Variants in CEP43 observed in about 807,000 individuals in gnomAD.
CEP43 encodes the protein centrosomal protein 43.
Under a neutral mutation model 52.6 loss-of-function variants are expected in CEP43, and 36 were observed. The observed-to-expected ratio is 0.68, with a 90% CI of 0.52 to 0.90. The LOEUF is 0.90. Among genes scored for constraint, CEP43 ranks in the 40% least tolerant of loss-of-function variants. The probability of loss-of-function intolerance (pLI) is 0.00; values close to 1 mark genes in which losing one functional copy is unlikely to be tolerated. For missense variants in CEP43, 506 were observed against 472.8 expected, an observed-to-expected ratio of 1.07 and a Z score of -0.65; for synonymous variants, 192 against 172.4, an observed-to-expected ratio of 1.11 and a Z score of -0.89.
intron 11 of CEP43, 134 bp from the exon 12 acceptor site, chr6:167,033,741 G>A (rs1780523464): frequency 6.6e-6 from 3 of 452,184 alleles, no homozygotes; most frequent in East Asian, 3.4e-5. Flanking sequence ...AAGACAATAT[G>A]TATGAAATTA....
rs765592862 is a variant in CEP43 at position 167,003,750 on chromosome 6, A to C, written c.239A>C (p.Glu80Ala). The change falls in exon 4 of 13, where the codon GAA becomes GCA. Residue 80 changes from glutamate to alanine, a missense_variant. Glu to Ala is a moderately radical substitution (Grantham distance 107). Coordinates refer to ENST00000366847, the MANE Select transcript of CEP43 (RefSeq NM_007045.4). ...DGRLVASLVA[E>A]FLQFFNLDFT... ...CGTTTAGTGGCTAGTCTTGTTGCAG[A>C]ATTTCTTCAGTTTTTTAACCTTGAC... 1.2e-6 allele frequency: 2 copies of C among 1,611,766 alleles called. No individual in the cohort carries two copies. Among genetic ancestry groups the C allele is most frequent in the Non-Finnish European group, 1.7e-6 (2 of 1,178,570 alleles).
chr6:167,019,098 G>A (rs1780166023), intron 7 of CEP43, among the ~76,000 whole-genome samples: 1 of 152,144 alleles, frequency 6.6e-6, no homozygotes, highest in South Asian at 2.1e-4. Context: ...TGATGCCAGG[G>A]GACTGAATAG....
chr6:166,999,934 G>A lies in CEP43; in HGVS notation c.103-126G>A, dbSNP rs551296389. 1.8e-4 allele frequency: 127 copies of A among 719,264 alleles called. No homozygotes were observed. The African/African-American group carries it at 2.1e-3, about 12-fold the overall frequency. 44.6% of individuals were successfully genotyped at this position (719,264 alleles called of 1,614,324 possible). A position where few individuals can be genotyped will look rare whatever the true frequency, so the allele number is the denominator to read the frequency against. ...TGTGACTGAGAACGTTTCGGAAGGC[G>A]TTTCTGACCTTTGCACCTGCCCTCC... On this transcript the variant is annotated intron_variant, in intron 1 of 12. Transcript: ENST00000366847.
chr6:167,024,755 C>T lies in CEP43; in HGVS notation c.807-27C>T, dbSNP rs139065630. The T allele has an allele frequency of 5.4e-4, 822 of 1,515,104 alleles. 4 individuals carry two copies. The African/African-American group carries it at 0.01, about 19-fold the overall frequency. The allele number at this position is 1,515,104 out of a possible 1,614,324, so 93.9% of individuals were successfully genotyped here. A position where few individuals can be genotyped will look rare whatever the true frequency, so the allele number is the denominator to read the frequency against. ...GTTTAGTGGCAGAACATAAGAGCAC[C>T]GATTAACTGTCCTTGTTTCTTGTTA... is the stretch of plus-strand genomic sequence containing the variant. On this transcript the variant is annotated intron_variant, in intron 8 of 12. Transcript: ENST00000366847.
rs1780673022 is a variant in CEP43 at position 167,040,461 on chromosome 6, AT to A, written c.*484del. The A allele has an allele frequency of 8.3e-7, 1 of 1,207,366 alleles. No homozygotes were observed. The highest frequency in any genetic ancestry group is 4.3e-5 in the Admixed American group (1 of 23,514). The allele number at this position is 1,207,366 out of a possible 1,614,324, so 74.8% of individuals were successfully genotyped here. On this transcript the variant is annotated 3_prime_UTR_variant, in exon 13 of 13. Transcript: ENST00000366847. ...GGCAAAATGACTTGGTAAATTTGTA[AT>A]GCTGAAGTATATTAGTATAAGTTAA...
intron 12 of CEP43, chr6:167,036,859 G>A: frequency 1.4e-6 from 1 of 725,004 alleles, no homozygotes; most frequent in Non-Finnish European, 1.7e-6. Context: ...CTAGGCTGGA[G>A]TGCAATGGCT....
In CEP43 at chr6:167,033,903, A is replaced by G. The variant is rs1269862898; in HGVS notation, c.1057A>G (p.Ile353Val). Reference sequence around the variant, plus strand: ...CAGCCATCGCTCAGAGAAAAGTGAGATAAGTATTGGTGAAGAGATAGAAGA... The same window carrying G: ...CAGCCATCGCTCAGAGAAAAGTGAGGTAAGTATTGGTGAAGAGATAGAAGA... ...STSHRSEKSE[I>V]SIGEEIEEDL... is the part of the protein sequence containing the mutation. The change falls in exon 12 of 13, where the codon ATA becomes GTA. Residue 353 changes from isoleucine (I) to valine (V), a missense_variant. By Grantham distance (29) the Ile-to-Val change is conservative (BLOSUM62 3). Transcript: ENST00000366847. 4.4e-6 allele frequency: 7 copies of G among 1,593,094 alleles called. No individual in the cohort carries two copies. In the African/African-American group the frequency reaches 5.4e-5, roughly 12 times the overall value.
intron 7 of CEP43, among the ~76,000 whole-genome samples, chr6:167,020,640 G>A (rs117306933): frequency 0.02 from 3,092 of 152,254 alleles, 53 homozygotes; most frequent in East Asian, 0.092. Context: ...GGTGGCTCAC[G>A]GCTCACGCCT....
At chr6:167,027,780 T>C (rs1402623274) in intron 10 of CEP43, 2 of 648,592 alleles carry the variant, frequency 3.1e-6, no homozygotes, top group African/African-American at 3.9e-5. Flanking sequence ...TATCTCTTCA[T>C]ATGTAAATTA....
At position 167,043,375 on chromosome 6, in the gene CEP43, CTTTTTTTTTTTT is replaced by C. The variant is rs71032898; in HGVS notation, c.*3408_*3419del. The C allele has an allele frequency of 2.3e-5, 2 of 86,358 alleles. No individual in the cohort carries two copies. The highest frequency in any genetic ancestry group is 9.7e-5 in the African/African-American group (2 of 20,694). 5.3% of individuals were successfully genotyped at this position (86,358 alleles called of 1,614,324 possible). ...TCCGTGCTCCCAGTGTCCCTGTCCT[CTTTTTTTTTTTT>C]TTTTTTTTTTGAGGTGGAGTTTTGT... On this transcript the variant is annotated 3_prime_UTR_variant, in exon 13 of 13. Transcript: ENST00000366847.
At chr6:166,999,536 G>T (rs1038947516) in intron 1 of CEP43, 22 bp downstream of exon 1, 6 of 1,385,900 alleles carry the variant, frequency 4.3e-6, no homozygotes, top group Non-Finnish European at 4.7e-6. Context: ...GGCTGGGGCC[G>T]GGCCTGGCGG....
chr6:167,027,642 G>C (rs1294339019), intron 10 of CEP43, among the ~76,000 whole-genome samples: 2 of 152,214 alleles, frequency 1.3e-5, no homozygotes, highest in Non-Finnish European at 2.9e-5. Flanking sequence ...GAGTTGGATA[G>C]AAGTGACATC....
intron 10 of CEP43, among the ~76,000 whole-genome samples, chr6:167,030,473 C>T (rs988572994): frequency 6.6e-6 from 1 of 152,224 alleles, no homozygotes; most frequent in African/African-American, 2.4e-5. Flanking sequence ...TTTGAGGCTA[C>T]AGTGGAGACG....
chr6:167,000,196 T>A, intron 2 of CEP43, 83 bp downstream of exon 2: 1 of 1,005,980 alleles, frequency 9.9e-7, no homozygotes, highest in Non-Finnish European at 1.5e-6. Flanking sequence ...AAAAATAGTT[T>A]ATAGTAACAT....
At position 167,039,969 on chromosome 6, in the gene CEP43, T is replaced by G. The variant is rs148854844; in HGVS notation, c.1191T>G (p.Asp397Glu). 52 of 1,614,028 alleles carry G rather than the reference T, an allele frequency of 3.2e-5. No individual in the cohort carries two copies. In the African/African-American group the frequency reaches 6.8e-4, roughly 21 times the overall value. The change falls in exon 13 of 13, where the codon GAT (aspartate) becomes GAG (glutamate). Residue 397 changes from aspartate (D) to glutamate (E), a missense_variant. Physicochemically the swap from Asp to Glu is conservative, Grantham distance 45 (BLOSUM62 2). Coordinates refer to ENST00000366847, the MANE Select transcript of CEP43 (RefSeq NM_007045.4). ...QLSDVADYLE[D>E]VA is the part of the protein sequence containing the mutation. ...GTGATGTTGCGGATTATCTGGAAGA[T>G]GTTGCATAGACACGAAGAAGGAAGT...
rs973750697 is a variant in CEP43 at position 167,036,236 on chromosome 6, C to T, written c.1125+2265C>T. ...GAAAGATGACTCTGACTTGGTTCTG[C>T]GAGGGCTGAGGAGGAACATGGTAAG... On this transcript the variant is annotated intron_variant, in intron 12 of 12. Transcript: ENST00000366847. 24 of 985,232 alleles carry T rather than the reference C, an allele frequency of 2.4e-5. No homozygotes were observed. In the African/African-American group the frequency reaches 3.0e-4, roughly 12 times the overall value. The allele number at this position is 985,232 out of a possible 1,614,324, so 61.0% of individuals were successfully genotyped here. A position where few individuals can be genotyped will look rare whatever the true frequency, so the allele number is the denominator to read the frequency against.
intron 10 of CEP43, among the ~76,000 whole-genome samples, chr6:167,028,689 A>G (rs1344746261): frequency 1.3e-5 from 2 of 152,156 alleles, no homozygotes; most frequent in Non-Finnish European, 2.9e-5. Flanking sequence ...TTTTATTACT[A>G]TCTCCATTTT....
At chr6:167,021,629 G>C (rs927793775) in intron 7 of CEP43, among the ~76,000 whole-genome samples, 1 of 152,164 alleles carries the variant, frequency 6.6e-6, no homozygotes, top group Non-Finnish European at 1.5e-5. Flanking sequence ...AAAAAGAAAA[G>C]TGGTAACATC....
At position 167,047,049 on chromosome 6, in the gene CEP43, A is replaced by G. The variant is rs6909180; in HGVS notation, c.*7071A>G. On this transcript the variant is annotated 3_prime_UTR_variant, in exon 13 of 13. Transcript: ENST00000366847. ...TGCTGAATAGGGGGCGCTGCCTGCA[A>G]TGTCCACGTGGAAACCTGGCTGGGA... 0.38 allele frequency: 58,415 copies of G among 152,230 alleles called. 11,292 individuals carry two copies. Among genetic ancestry groups the G allele is most frequent in the Middle Eastern group, 0.45 (133 of 296 alleles). The allele number at this position is 152,230 out of a possible 1,614,324, so 9.4% of individuals were successfully genotyped here.
Sources: allele counts gnomAD v4.1 joint callset (sites outside exome capture counted in the v4.1 genomes callset), GRCh38; gene constraint gnomAD v4.1.1; transcripts MANE v1.5; gene names NCBI Gene and HGNC (gene_info 2026-07-23, HGNC 2026-07-21).